Variants in CCDC50 observed in about 807,000 individuals in gnomAD.
The protein encoded by CCDC50 is coiled-coil domain containing 50.
In CCDC50, 54 loss-of-function variants were observed where a neutral mutation model predicts 70.2. The observed-to-expected ratio is 0.77, with a 90% CI of 0.62 to 0.96. The LOEUF is 0.96. Among genes scored for constraint, CCDC50 ranks in the 50% least tolerant of loss-of-function variants. The pLI is 0.00. For synonymous variants in CCDC50, 216 were observed against 198.8 expected, an observed-to-expected ratio of 1.09 and a Z score of -0.73; for missense variants, 558 against 578.7, an observed-to-expected ratio of 0.96 and a Z score of 0.37.
At chr3:191,390,057 T>A (rs1473923354) in intron 11 of CCDC50, among the ~76,000 whole-genome samples, 1 of 151,756 alleles carries the variant, frequency 6.6e-6, no homozygotes, top group Non-Finnish European at 1.5e-5. Flanking sequence ...GAGATGAGGT[T>A]TTACCATGTC....
At chr3:191,333,379 A>T (rs1718050576) in intron 1 of CCDC50, among the ~76,000 whole-genome samples, 1 of 152,190 alleles carries the variant, frequency 6.6e-6, no homozygotes, top group African/African-American at 2.4e-5. Flanking sequence ...AAGATATAAA[A>T]TTATGTCTGG....
intron 1 of CCDC50, among the ~76,000 whole-genome samples, chr3:191,333,468 C>T (rs1482966166): frequency 6.6e-6 from 1 of 152,144 alleles, no homozygotes; most frequent in Non-Finnish European, 1.5e-5. Context: ...ATGGCAGTGT[C>T]CATGAGATGT....
chr3:191,356,325 C>T (rs975952803), intron 1 of CCDC50, among the ~76,000 whole-genome samples: 1 of 152,166 alleles, frequency 6.6e-6, no homozygotes, highest in African/African-American at 2.4e-5. Flanking sequence ...ACCATTTCTT[C>T]CCATTTTGCT....
chr3:191,364,368 C>T (rs62286576), intron 4 of CCDC50, among the ~76,000 whole-genome samples: 1 of 149,002 alleles, frequency 6.7e-6, no homozygotes, highest in Non-Finnish European at 1.5e-5. Flanking sequence ...CGCCCGGCCT[C>T]CTTTTTTTTT....
intron 10 of CCDC50, 43 bp from the exon 11 acceptor site, chr3:191,389,453 A>G: frequency 6.7e-7 from 1 of 1,487,966 alleles, no homozygotes; most frequent in South Asian, 1.1e-5. Context: ...AGTTGTAGTA[A>G]GCGTTACTTA....
At chr3:191,334,741 T>A (rs1019828982) in intron 1 of CCDC50, among the ~76,000 whole-genome samples, 3 of 152,170 alleles carry the variant, frequency 2.0e-5, no homozygotes, top group African/African-American at 7.2e-5. Flanking sequence ...GTTCTGTAGA[T>A]GCGAAAGATT....
chr3:191,392,667 TAATTA>T lies in CCDC50; in HGVS notation c.*914_*918del, dbSNP rs1713733776. ...CAATAATGTTTGGTTTACATGCCAG[TAATTA>T]AATTAATTCAACATGAAGTTGAATT... On this transcript the variant is annotated 3_prime_UTR_variant, in exon 12 of 12. Coordinates refer to ENST00000392455, the MANE Select transcript of CCDC50 (RefSeq NM_178335.3). 1 of 152,230 alleles carries T rather than the reference TAATTA, an allele frequency of 6.6e-6. No individual in the cohort carries two copies. Among genetic ancestry groups the T allele is most frequent in the Non-Finnish European group, 1.5e-5 (1 of 68,040 alleles). The allele number at this position is 152,230 out of a possible 1,614,324, so 9.4% of individuals were successfully genotyped here. A position where few individuals can be genotyped will look rare whatever the true frequency, so the allele number is the denominator to read the frequency against.
intron 1 of CCDC50, among the ~76,000 whole-genome samples, chr3:191,335,652 G>A (rs766375006): frequency 6.6e-6 from 1 of 152,028 alleles, no homozygotes; most frequent in Admixed American, 6.6e-5. Flanking sequence ...GTGTGCATAG[G>A]ATAGTTTTTA....
intron 1 of CCDC50, among the ~76,000 whole-genome samples, chr3:191,344,314 G>T (rs112969629): frequency 5.3e-5 from 8 of 152,204 alleles, no homozygotes; most frequent in African/African-American, 1.9e-4. Flanking sequence ...CAACTGTGAT[G>T]ATGCAAACGT....
rs574188668 is a variant in CCDC50, at chr3:191,375,440, C to G, written c.827C>G (p.Ser276Ter). Residue 276 changes from serine (S) to a stop codon, truncating the protein, a stop_gained, in exon 6 of 12, where the codon TCA becomes TGA. Coordinates refer to ENST00000392455, the MANE Select transcript of CCDC50 (RefSeq NM_178335.3). LOFTEE classifies it high-confidence loss of function. Reference protein sequence around the residue: ...EKQSRHQDRLSPKSSQKAGLH... With the variant: ...EKQSRHQDRL ...CAGTCTCGACACCAAGATCGACTTT[C>G]ACCCAAGTCCTCACAAAAAGCAGGG... The G allele has an allele frequency of 5.4e-5, 87 of 1,613,806 alleles. 1 individual carries two copies. In the South Asian group the frequency reaches 9.1e-4, roughly 17 times the overall value.
chr3:191,329,631 C>G lies in CCDC50; in HGVS notation c.-44C>G. ...GGGCCCCGCTCGGCGCCGGCGGTGA[C>G]CGGGAAGCCCGCGTTAAAGGGGCAA... On this transcript the variant is annotated 5_prime_UTR_variant, in exon 1 of 12. Transcript: ENST00000392455. 1 of 1,588,078 alleles carries G rather than the reference C, an allele frequency of 6.3e-7. No individual in the cohort carries two copies.
chr3:191,330,326 C>CACAGAG (rs550009593), intron 1 of CCDC50: 1 of 147,660 alleles, frequency 6.8e-6, no homozygotes, highest in East Asian at 2.0e-4. Context: ...CACACACACA[C>CACAGAG]ACAATAGTGA....
intron 1 of CCDC50, among the ~76,000 whole-genome samples, chr3:191,339,034 C>G (rs1383694456): frequency 6.6e-6 from 1 of 152,104 alleles, no homozygotes; most frequent in East Asian, 1.9e-4. Flanking sequence ...GGGGAAGGCT[C>G]TTACACAGTT....
intron 1 of CCDC50, among the ~76,000 whole-genome samples, chr3:191,332,242 C>G (rs1718013831): frequency 6.6e-6 from 1 of 152,126 alleles, no homozygotes; most frequent in South Asian, 2.1e-4. Context: ...TGCTTGCTTA[C>G]TTAGTTTTTA....
At position 191,375,459 on chromosome 3, in the gene CCDC50, A is replaced by T. The variant is rs1211770837; in HGVS notation, c.846A>T (p.Lys282Asn). ...GACTTTCACCCAAGTCCTCACAAAA[A>T]GCAGGGCTTCACTGCAAGGAAGTTG... ...QDRLSPKSSQ[K>N]AGLHCKEVVY... Residue 282 changes from lysine (K) to asparagine (N), a missense_variant, in exon 6 of 12, where the codon AAA (lysine) becomes AAT (asparagine). Lys to Asn is a moderately conservative substitution (Grantham distance 94, BLOSUM62 0). Transcript: ENST00000392455. 6.2e-7 allele frequency: 1 copy of T among 1,613,842 alleles called. No homozygotes were observed. The highest frequency in any genetic ancestry group is 1.3e-5 in the African/African-American group (1 of 75,028).
At chr3:191,380,296 A>G (rs1378912849) in intron 7 of CCDC50, 22 bp downstream of exon 7, 6 of 1,459,094 alleles carry the variant, frequency 4.1e-6, no homozygotes, top group Admixed American at 3.4e-5. Context: ...TTAAGGCAAA[A>G]GTTTAGATAT....
At chr3:191,386,531 GT>G (rs933691761) in intron 10 of CCDC50, among the ~76,000 whole-genome samples, 4 of 152,100 alleles carry the variant, frequency 2.6e-5, no homozygotes, top group Non-Finnish European at 5.9e-5. Context: ...GACCTGGACA[GT>G]TTAATAATAT....
intron 1 of CCDC50, among the ~76,000 whole-genome samples, chr3:191,343,931 G>A (rs1711819954): frequency 6.6e-6 from 1 of 152,202 alleles, no homozygotes; most frequent in South Asian, 2.1e-4. Context: ...TATCTGCACA[G>A]TGGTTGCTAG....
At position 191,348,156 on chromosome 3, in the gene CCDC50, G is replaced by A. The variant is rs1247240565; in HGVS notation, c.50-8932G>A. On this transcript the variant is annotated intron_variant, in intron 1 of 11. Transcript: ENST00000392455. ...GTATGTTTGTGAGTCAGCTACATAG[G>A]TGACATTTGAATGGGGGTCTTGTAG... Among the ~76,000 whole-genome samples, 7 of 142,182 alleles carry A rather than the reference G, an allele frequency of 4.9e-5. 1 individual carries two copies. The highest frequency in any genetic ancestry group is 1.1e-4 in the Non-Finnish European group (7 of 63,106). The allele number at this position is 142,182 out of a possible 152,430, so 93.3% of individuals were successfully genotyped here. A position where few individuals can be genotyped will look rare whatever the true frequency, so the allele number is the denominator to read the frequency against.
Sources: gnomAD v4.1 joint callset for allele counts (sites outside exome capture counted in the v4.1 genomes callset) on GRCh38, gnomAD v4.1.1 for gene constraint, MANE v1.5 for transcripts, NCBI Gene and HGNC (gene_info 2026-07-23, HGNC 2026-07-21) for gene names.